The following TLR3 variants were observed in gnomAD, a reference collection of about 807,000 sequenced individuals.
TLR3 encodes the protein toll like receptor 3.
TLR3 carries 43 observed loss-of-function variants against 66.4 expected under a neutral mutation model. The ratio of observed to expected loss-of-function variants is 0.65; its 90% CI spans 0.51 to 0.83. TLR3 has a LOEUF of 0.83. Ranked by LOEUF, TLR3 falls within the 40% of genes least tolerant of loss-of-function variation. The pLI is 0.00. For missense variants in TLR3, 982 were observed against 1,044.6 expected (o/e 0.94, Z 0.83); for synonymous variants, 397 against 397.2 (o/e 1.00, Z 0.01).
chr4:186,084,816 A>G lies in TLR3; in HGVS notation c.2658A>G (p.Ile886Met), dbSNP rs767185783. ...ACTGGCCAGTTCAGAAAGAACGGAT[A>G]GGTGCCTTTCGTCATAAATTGCAAG... is the stretch of plus-strand genomic sequence containing the variant. ...ILNWPVQKER[I>M]GAFRHKLQVA... The change falls in exon 5 of 5, where the codon ATA (isoleucine) becomes ATG (methionine). Residue 886 changes from isoleucine (I) to methionine (M), a missense_variant. Around this residue, in one of 3 missense-constraint regions of TLR3, gnomAD observed 666 missense variants for 709.0 expected, o/e 0.94. Transcript: ENST00000296795. 2.5e-6 allele frequency: 4 copies of G among 1,614,116 alleles called. No homozygotes were observed. The highest frequency in any genetic ancestry group is 3.4e-6 in the Non-Finnish European group (4 of 1,180,008).
Position 186,084,768 on chromosome 4 carries a change from G to A in TLR3, c.2610G>A (p.Met870Ile). 2 of 1,614,088 alleles carry A rather than the reference G, an allele frequency of 1.2e-6. No homozygotes were observed. The highest frequency in any genetic ancestry group is 1.7e-6 in the Non-Finnish European group (2 of 1,180,004). Residue 870 changes from methionine to isoleucine, a missense_variant, in exon 5 of 5, where the codon ATG becomes ATA. By Grantham distance (10) the Met-to-Ile change is conservative. Coordinates refer to ENST00000296795, the MANE Select transcript of TLR3 (RefSeq NM_003265.3). ...LNHALCLRRG[M>I]FKSHCILNWP... The stretch of plus-strand genomic sequence containing the variant: ...ATGCACTCTGTTTGCGAAGAGGAAT[G>A]TTTAAATCTCACTGCATCTTGAACT...
chr4:186,084,368 G>A (rs150085652), intron 4 of TLR3, among the ~76,000 whole-genome samples, 196 bp downstream of exon 4: 233 of 151,970 alleles, frequency 1.5e-3, no homozygotes, highest in African/African-American at 5.4e-3. Flanking sequence ...TTACAGGCAC[G>A]CGCCACCAAG....
In TLR3 at chr4:186,087,852, G is replaced by C. The variant is rs75625203; in HGVS notation, c.*2979G>C. On this transcript the variant is annotated 3_prime_UTR_variant, in exon 5 of 5. Transcript: ENST00000296795. Reference sequence around the variant, plus strand: ...CTATTGAGACACAAAGCAGATGAGTGGTTGTCTGGGCCTAGGAACAGGAAT... The same window carrying C: ...CTATTGAGACACAAAGCAGATGAGTCGTTGTCTGGGCCTAGGAACAGGAAT... 106 of 152,250 alleles carry C rather than the reference G, an allele frequency of 7.0e-4. No individual in the cohort carries two copies. The highest frequency in any genetic ancestry group is 2.5e-3 in the African/African-American group (103 of 41,548). The allele number at this position is 152,250 out of a possible 1,614,324, so 9.4% of individuals were successfully genotyped here. A position where few individuals can be genotyped will look rare whatever the true frequency, so the allele number is the denominator to read the frequency against.
intron 1 of TLR3, among the ~76,000 whole-genome samples, chr4:186,072,417 A>C (rs1021583595): frequency 6.6e-6 from 1 of 151,988 alleles, no homozygotes; most frequent in African/African-American, 2.4e-5. Flanking sequence ...AGTTCAAGCG[A>C]TTCTCCTGCC....
rs1245746290 is a variant in TLR3, at chr4:186,085,452, ATTAG to A, written c.*583_*586del. On this transcript the variant is annotated 3_prime_UTR_variant, in exon 5 of 5. Transcript: ENST00000296795. Reference sequence around the variant, plus strand: ...CAGAAAACATTTGCAATTCATTTTTATTAGTTAATGAGATGATTATTTGAATGAA... The same window carrying A: ...CAGAAAACATTTGCAATTCATTTTTATTAATGAGATGATTATTTGAATGAA... The A allele has an allele frequency of 1.3e-5, 2 of 152,876 alleles. No individual in the cohort carries two copies. Among genetic ancestry groups the A allele is most frequent in the Non-Finnish European group, 2.9e-5 (2 of 68,550 alleles). The allele number at this position is 152,876 out of a possible 1,614,324, so 9.5% of individuals were successfully genotyped here. A position where few individuals can be genotyped will look rare whatever the true frequency, so the allele number is the denominator to read the frequency against.
chr4:186,077,175 C>A, intron 2 of TLR3, 115 bp downstream of exon 2: 1 of 1,087,642 alleles, frequency 9.2e-7, no homozygotes, highest in Non-Finnish European at 1.3e-6. Flanking sequence ...ATCCAATTTG[C>A]CACAAATATT....
rs960230719 is a variant in TLR3, at chr4:186,085,095, G to A, written c.*222G>A. The stretch of plus-strand genomic sequence containing the variant: ...TACCCAAAATAAAACATATAAGCAC[G>A]TAAGAACATTGTCTACTGATTAATA... On this transcript the variant is annotated 3_prime_UTR_variant, in exon 5 of 5. Transcript: ENST00000296795. 13 of 555,128 alleles carry A rather than the reference G, an allele frequency of 2.3e-5. No homozygotes were observed. Among genetic ancestry groups the A allele is most frequent in the African/African-American group, 3.8e-5 (2 of 52,904 alleles). The allele number at this position is 555,128 out of a possible 1,614,324, so 34.4% of individuals were successfully genotyped here. A position where few individuals can be genotyped will look rare whatever the true frequency, so the allele number is the denominator to read the frequency against.
In TLR3 at chr4:186,077,095, T is replaced by C. The variant is rs1166880806; in HGVS notation, c.441+35T>C. Reference sequence around the variant, plus strand: ...AAATGTCTATTGTTACTAATGTTTTTAAGTCAGTTACCCATCCTTAGACTT... The same window carrying C: ...AAATGTCTATTGTTACTAATGTTTTCAAGTCAGTTACCCATCCTTAGACTT... On this transcript the variant is annotated intron_variant, in intron 2 of 4. Transcript: ENST00000296795. 5.0e-6 allele frequency: 8 copies of C among 1,588,256 alleles called. No individual in the cohort carries two copies. The African/African-American group carries it at 8.1e-5, about 16-fold the overall frequency.
Position 186,083,093 on chromosome 4 carries a change from G to A in TLR3, c.1407G>A (p.Leu469=). Residue 469 remains leucine, a synonymous_variant, in exon 4 of 5, where the codon CTG becomes CTA. Coordinates refer to ENST00000296795, the MANE Select transcript of TLR3 (RefSeq NM_003265.3). The surrounding 1 kb of genome is among the most constrained non-coding windows in gnomAD (Gnocchi z 4.0). ...TCTATCTTTCCTACAACAAGTACCT[G>A]CAGCTGACTAGGAACTCCTTTGCCT... ...FEIYLSYNKY[L]QLTRNSFALV... is the part of the protein sequence containing the mutation. 6.2e-7 allele frequency: 1 copy of A among 1,614,176 alleles called. No homozygotes were observed. The highest frequency in any genetic ancestry group is 8.5e-7 in the Non-Finnish European group (1 of 1,180,028).
At chr4:186,072,589 C>A (rs2099301680) in intron 1 of TLR3, among the ~76,000 whole-genome samples, 1 of 152,154 alleles carries the variant, frequency 6.6e-6, no homozygotes, top group African/African-American at 2.4e-5. Flanking sequence ...GGGTTACAGG[C>A]GTGAGCCACT....
Position 186,078,991 on chromosome 4 carries a change from C to T in TLR3, c.593C>T (p.Ser198Phe). The change falls in exon 3 of 5, where the codon TCT (serine) becomes TTT (phenylalanine). Residue 198 changes from serine (S) to phenylalanine (F), a missense_variant. By Grantham distance (155) the Ser-to-Phe change is radical. Around this residue, in one of 3 missense-constraint regions of TLR3, gnomAD observed 313 missense variants for 319.0 expected, o/e 0.98. Coordinates refer to ENST00000296795, the MANE Select transcript of TLR3 (RefSeq NM_003265.3). ...GAACTGGATATCTTTGCCAATTCAT[C>T]TTTAAAAAAATTAGAGTTGTCATCG... ...SEELDIFANSSLKKLELSSNQ... is the reference protein window; with the variant it reads ...SEELDIFANSFLKKLELSSNQ... The T allele has an allele frequency of 6.2e-7, 1 of 1,613,670 alleles. No homozygotes were observed. Among genetic ancestry groups the T allele is most frequent in the Non-Finnish European group, 8.5e-7 (1 of 1,179,884 alleles).
chr4:186,071,106 A>T (rs2099301389), intron 1 of TLR3, among the ~76,000 whole-genome samples: 2 of 152,228 alleles, frequency 1.3e-5, no homozygotes, highest in Non-Finnish European at 2.9e-5. Context: ...TTATTAATCA[A>T]GATCTCTTTT....
chr4:186,070,509 C>T (rs1338273912), intron 1 of TLR3, among the ~76,000 whole-genome samples: 1 of 151,754 alleles, frequency 6.6e-6, no homozygotes, highest in Non-Finnish European at 1.5e-5. Context: ...CTCAGTGTCA[C>T]GAGTAGCTGG....
At chr4:186,075,616 T>C (rs757944907) in intron 1 of TLR3, among the ~76,000 whole-genome samples, 2 of 151,760 alleles carry the variant, frequency 1.3e-5, no homozygotes, top group Non-Finnish European at 2.9e-5. Context: ...GGTGACAGAG[T>C]GAGACCCTGT....
In TLR3 at chr4:186,084,161, A is replaced by G. The variant is rs1019807851; in HGVS notation, c.2475A>G (p.Pro825=). The stretch of plus-strand genomic sequence containing the variant: ...TAACACACCATCTATTAAAAGACCC[A>G]TTATGCAAAAGGTAGGTAAACATTG... ...FVITHHLLKD[P]LCKRFKVHHA... Residue 825 remains proline, a synonymous_variant, in exon 4 of 5, where the codon CCA becomes CCG. Coordinates refer to ENST00000296795, the MANE Select transcript of TLR3 (RefSeq NM_003265.3). The G allele has an allele frequency of 2.5e-6, 4 of 1,613,824 alleles. No individual in the cohort carries two copies. Among genetic ancestry groups the G allele is most frequent in the South Asian group, 1.1e-5 (1 of 90,984 alleles).
Position 186,083,938 on chromosome 4 carries a change from C to G in TLR3, c.2252C>G (p.Thr751Arg), listed in dbSNP as rs1196520540. ...VLGFKEIDRQ[T>R]EQFEYAAYII... ...GGTTTCAAAGAAATAGACAGACAGA[C>G]AGAACAGTTTGAATATGCAGCATAT... Residue 751 changes from threonine (T) to arginine (R), a missense_variant, in exon 4 of 5, where the codon ACA becomes AGA. Thr to Arg is a moderately conservative substitution (Grantham distance 71, BLOSUM62 -1). Coordinates refer to ENST00000296795, the MANE Select transcript of TLR3 (RefSeq NM_003265.3). This position sits in a 1 kb window ranked among gnomAD's most constrained non-coding sequence, Gnocchi z 4.0. 4 of 1,614,018 alleles carry G rather than the reference C, an allele frequency of 2.5e-6. No individual in the cohort carries two copies. The highest frequency in any genetic ancestry group is 1.7e-6 in the Non-Finnish European group (2 of 1,180,016).
chr4:186,078,767 G>T (rs2099302891), intron 2 of TLR3, 73 bp from the exon 3 acceptor site: 2 of 1,269,226 alleles, frequency 1.6e-6, no homozygotes, highest in Non-Finnish European at 2.3e-6. Context: ...GTATTTTTCA[G>T]ATGTACTTAC....
intron 3 of TLR3, among the ~76,000 whole-genome samples, chr4:186,081,129 C>T (rs1349973751): frequency 1.3e-5 from 2 of 151,936 alleles, no homozygotes; most frequent in African/African-American, 4.8e-5. Flanking sequence ...GATATTAAAT[C>T]TAAAGAGCAG....
chr4:186,074,838 G>T (rs1485616055), intron 1 of TLR3, among the ~76,000 whole-genome samples: 60 of 151,062 alleles, frequency 4.0e-4, no homozygotes, highest in Non-Finnish European at 4.4e-5. Flanking sequence ...TAAAAACGAA[G>T]ACACAAACAC....
Sources: allele counts gnomAD v4.1 joint callset (sites outside exome capture counted in the v4.1 genomes callset), GRCh38; gene constraint gnomAD v4.1.1; regional missense constraint gnomAD v4.1.1; non-coding constraint Gnocchi (gnomAD v3.1); transcripts MANE v1.5; gene names NCBI Gene and HGNC (gene_info 2026-07-23, HGNC 2026-07-21).